Variants in ST6GALNAC3 observed in about 807,000 individuals in gnomAD.
The protein encoded by ST6GALNAC3 is ST6 N-acetylgalactosaminide alpha-2,6-sialyltransferase 3, also known as alpha-N-acetylgalactosaminide alpha-2,6-sialyltransferase 3.
Under a neutral mutation model 32.7 loss-of-function variants are expected in ST6GALNAC3, and 25 were observed. The observed-to-expected ratio is 0.76, with a 90% CI of 0.56 to 1.07. ST6GALNAC3 has a LOEUF of 1.07. Ranked by LOEUF, ST6GALNAC3 falls within the 50% of genes least tolerant of loss-of-function variation. The pLI, the probability that ST6GALNAC3 is intolerant of heterozygous loss-of-function variation, is 0.00. For synonymous variants in ST6GALNAC3, 129 were observed against 133.1 expected, an observed-to-expected ratio of 0.97 and a Z score of 0.21; for missense variants, 355 against 382.4, an observed-to-expected ratio of 0.93 and a Z score of 0.60.
chr1:76,091,355 C>T (rs1647042972), intron 1 of ST6GALNAC3, among the ~76,000 whole-genome samples: 1 of 152,188 alleles, frequency 6.6e-6, no homozygotes, highest in Non-Finnish European at 1.5e-5. Flanking sequence ...AGTTAAGACT[C>T]TTTCTCATGC....
intron 1 of ST6GALNAC3, among the ~76,000 whole-genome samples, chr1:76,117,752 G>C (rs12407845): frequency 0.21 from 32,390 of 152,062 alleles, 4,450 homozygotes; most frequent in African/African-American, 0.38. Context: ...TAGTAACTAA[G>C]CTAATTGGGA....
intron 3 of ST6GALNAC3, among the ~76,000 whole-genome samples, chr1:76,441,202 AT>A (rs1656575274): frequency 6.6e-6 from 1 of 152,014 alleles, no homozygotes; most frequent in Admixed American, 6.6e-5. Flanking sequence ...TGTAGTTATA[AT>A]TATTATTGTA....
intron 3 of ST6GALNAC3, among the ~76,000 whole-genome samples, chr1:76,522,185 G>A (rs1662584543): frequency 6.6e-6 from 1 of 150,950 alleles, no homozygotes; most frequent in South Asian, 2.1e-4. Flanking sequence ...CAAAGATACT[G>A]TGTATTTTTT....
At chr1:76,137,972 A>G (rs1650054828) in intron 1 of ST6GALNAC3, among the ~76,000 whole-genome samples, 1 of 152,240 alleles carries the variant, frequency 6.6e-6, no homozygotes, top group South Asian at 2.1e-4. Context: ...CATAACTTCA[A>G]CAACAAACCT....
At chr1:76,507,620 G>T (rs1661560483) in intron 3 of ST6GALNAC3, among the ~76,000 whole-genome samples, 1 of 152,062 alleles carries the variant, frequency 6.6e-6, no homozygotes, top group Non-Finnish European at 1.5e-5. Flanking sequence ...CATTTTTATG[G>T]CTAAGTTATA....
intron 1 of ST6GALNAC3, among the ~76,000 whole-genome samples, chr1:76,294,511 AAG>A (rs1660279906): frequency 6.6e-6 from 1 of 152,122 alleles, no homozygotes; most frequent in South Asian, 2.1e-4. Context: ...GGCTTACAGA[AAG>A]AGAGAGAATT....
At chr1:76,184,519 G>GCACACAAACACA (rs1653412696) in intron 1 of ST6GALNAC3, among the ~76,000 whole-genome samples, 4 of 134,104 alleles carry the variant, frequency 3.0e-5, no homozygotes, top group Admixed American at 2.3e-4. Context: ...CTCCTGGGCA[G>GCACACAAACACA]CACACACACA....
intron 1 of ST6GALNAC3, among the ~76,000 whole-genome samples, chr1:76,266,744 G>A (rs1008508520): frequency 2.6e-5 from 4 of 152,054 alleles, no homozygotes; most frequent in African/African-American, 7.2e-5. Flanking sequence ...GCCAGCCACC[G>A]ACTGTGCTCT....
chr1:76,181,223 C>T (rs966059732), intron 1 of ST6GALNAC3, among the ~76,000 whole-genome samples: 4 of 152,128 alleles, frequency 2.6e-5, no homozygotes, highest in African/African-American at 4.8e-5. Flanking sequence ...CCTGTTTCAC[C>T]GTTGTTAATA....
At chr1:76,561,202 G>C (rs1184770074) in intron 3 of ST6GALNAC3, among the ~76,000 whole-genome samples, 1 of 152,118 alleles carries the variant, frequency 6.6e-6, no homozygotes, top group Non-Finnish European at 1.5e-5. Context: ...CCAGAGGCTA[G>C]GAAGGATAGT....
chr1:76,498,910 T>C (rs113877973), intron 3 of ST6GALNAC3, among the ~76,000 whole-genome samples: 6 of 152,228 alleles, frequency 3.9e-5, no homozygotes, highest in African/African-American at 1.4e-4. Flanking sequence ...GAAAGATAAA[T>C]TTGATTATAT....
intron 3 of ST6GALNAC3, among the ~76,000 whole-genome samples, chr1:76,571,883 C>A (rs903473356): frequency 2.6e-5 from 4 of 151,868 alleles, no homozygotes; most frequent in South Asian, 2.1e-4. Flanking sequence ...AAATTTAATA[C>A]CCTATTAAGA....
intron 1 of ST6GALNAC3, among the ~76,000 whole-genome samples, chr1:76,233,513 A>C (rs1306695772): frequency 4.6e-5 from 7 of 152,306 alleles, no homozygotes; most frequent in Non-Finnish European, 2.9e-5. Context: ...CCTATAGTTT[A>C]ATCCACCACA....
At chr1:76,082,073 C>A (rs905897388) in intron 1 of ST6GALNAC3, among the ~76,000 whole-genome samples, 1 of 152,188 alleles carries the variant, frequency 6.6e-6, no homozygotes, top group Non-Finnish European at 1.5e-5. Context: ...AACAGGGAAG[C>A]CTATTAAGCT....
At chr1:76,317,243 G>A (rs1479028406) in intron 2 of ST6GALNAC3, among the ~76,000 whole-genome samples, 2 of 152,096 alleles carry the variant, frequency 1.3e-5, no homozygotes, top group African/African-American at 4.8e-5. Context: ...CCATGTCTGT[G>A]CCATGCTCTT....
chr1:76,598,590 A>G (rs900978886), intron 3 of ST6GALNAC3, among the ~76,000 whole-genome samples: 4 of 152,216 alleles, frequency 2.6e-5, no homozygotes, highest in South Asian at 4.1e-4. Context: ...TTTTGTATCT[A>G]TCTTTCTTCA....
chr1:76,277,830 GCTGT>G (rs1373445251), intron 1 of ST6GALNAC3, among the ~76,000 whole-genome samples: 1 of 151,788 alleles, frequency 6.6e-6, no homozygotes, highest in Non-Finnish European at 1.5e-5. Flanking sequence ...TTATTTCTGG[GCTGT>G]CTGTGGTGTG....
At chr1:76,221,944 T>C (rs1255650161) in intron 1 of ST6GALNAC3, among the ~76,000 whole-genome samples, 1 of 152,304 alleles carries the variant, frequency 6.6e-6, no homozygotes, top group South Asian at 2.1e-4. Flanking sequence ...GTTGAAAGAA[T>C]GAACTTGTGT....
intron 1 of ST6GALNAC3, among the ~76,000 whole-genome samples, chr1:76,209,322 G>A (rs948408935): frequency 2.0e-5 from 3 of 152,136 alleles, no homozygotes; most frequent in African/African-American, 7.2e-5. Context: ...TGGCTCATAA[G>A]GCTTCATAAG....
Sources: allele counts gnomAD v4.1 joint callset (sites outside exome capture counted in the v4.1 genomes callset), GRCh38; gene constraint gnomAD v4.1.1; transcripts MANE v1.5; gene names NCBI Gene and HGNC (gene_info 2026-07-23, HGNC 2026-07-21).